FAT3: variants seen among roughly 807,000 people sequenced by gnomAD.
The protein encoded by FAT3 is FAT atypical cadherin 3.
Under a neutral mutation model 310.2 loss-of-function variants are expected in FAT3, and 95 were observed. The ratio of observed to expected loss-of-function variants is 0.31; its 90% confidence interval spans 0.26 to 0.36. The LOEUF (loss-of-function observed/expected upper bound fraction) is 0.36, where lower values mean the gene tolerates loss of function less well. Among genes scored for constraint, FAT3 ranks in the 10% least tolerant of loss-of-function variants. FAT3 has a pLI of 1.00. For synonymous variants in FAT3, 2,314 were observed against 2,192.9 expected, an observed-to-expected ratio of 1.06 and a Z score of -1.54; for missense variants, 5,408 against 5,715.6, an observed-to-expected ratio of 0.95 and a Z score of 1.74.
Position 92,800,796 on chromosome 11 carries a change from G to A in FAT3, c.7783G>A (p.Asp2595Asn), listed in dbSNP as rs1377448576. 7 of 1,613,872 alleles carry A rather than the reference G, an allele frequency of 4.3e-6. No homozygotes were observed. In the South Asian group the frequency reaches 7.7e-5, roughly 18 times the overall value. The stretch of plus-strand genomic sequence containing the variant: ...GAGAGTGATTGTTGTGGATGAAAAT[G>A]ACAATGCTCCCCAGTTCATGACAGT... ...TVRVIVVDEN[D>N]NAPQFMTVEY... The change falls in exon 10 of 28, where the codon GAC (aspartate) becomes AAC (asparagine). Residue 2595 changes from aspartate to asparagine, a missense_variant. Transcript: ENST00000525166.
intron 4 of FAT3, among the ~76,000 whole-genome samples, chr11:92,732,460 G>GAT (rs1401189464): frequency 6.6e-6 from 1 of 152,034 alleles, no homozygotes; most frequent in Non-Finnish European, 1.5e-5. Context: ...AAATGAATAA[G>GAT]ATATTGCTTA....
chr11:92,353,517 A>T lies in FAT3; in HGVS notation c.1405A>T (p.Thr469Ser). 6.2e-7 allele frequency: 1 copy of T among 1,613,616 alleles called. No individual in the cohort carries two copies. The highest frequency in any genetic ancestry group is 8.5e-7 in the Non-Finnish European group (1 of 1,179,778). The change falls in exon 2 of 28, where the codon ACC (threonine) becomes TCC (serine). Residue 469 changes from threonine to serine, a missense_variant. This residue lies in a region of FAT3 where 4,588 missense variants were observed against 4,809.8 expected (regional missense o/e 0.95). Coordinates refer to ENST00000525166, the MANE Select transcript of FAT3 (RefSeq NM_001367949.2). ...CAGCATAGAAGATGCAAATGACCAC[A>T]CCCCAGAATTTCAGCAACCACTGTA... is the stretch of plus-strand genomic sequence containing the variant. ...TISIEDANDH[T>S]PEFQQPLYDA...
At chr11:92,852,599 CAGAA>C (rs1374202756) in intron 19 of FAT3, among the ~76,000 whole-genome samples, 4 of 152,008 alleles carry the variant, frequency 2.6e-5, no homozygotes, top group Non-Finnish European at 5.9e-5. Flanking sequence ...CTATTAAAAA[CAGAA>C]AGAAAGAAAA....
At chr11:92,314,399 A>T in intron 1 of FAT3, 1 of 518,060 alleles carries the variant, frequency 1.9e-6, no homozygotes, top group Non-Finnish European at 2.5e-6. Context: ...AACAAGGAAA[A>T]TGCTGGACTG....
chr11:92,580,513 G>T lies in FAT3; in HGVS notation c.3607+55565G>T, dbSNP rs1174271325. ...GTCAGCTTGCTAGTGCCCTCTTGTT[G>T]TCACTTATCAGAATCTGGCTGATGT... is the stretch of plus-strand genomic sequence containing the variant. On this transcript the variant is annotated intron_variant, in intron 3 of 27. Transcript: ENST00000525166. Among the ~76,000 whole-genome samples, 4 of 152,112 alleles carry T rather than the reference G, an allele frequency of 2.6e-5. No homozygotes were observed. The East Asian group carries it at 7.7e-4, about 29-fold the overall frequency.
chr11:92,320,103 A>G (rs576221497), intron 1 of FAT3, among the ~76,000 whole-genome samples: 2 of 152,288 alleles, frequency 1.3e-5, no homozygotes, highest in Non-Finnish European at 2.9e-5. Flanking sequence ...ACTGAAACAA[A>G]ACTCTGGCAG....
At position 92,865,131 on chromosome 11, in the gene FAT3, C is replaced by T. The variant is rs955749406; in HGVS notation, c.11659-1610C>T. Among the ~76,000 whole-genome samples, 2 of 152,098 alleles carry T rather than the reference C, an allele frequency of 1.3e-5. 1 individual carries two copies. Among genetic ancestry groups the T allele is most frequent in the South Asian group, 4.1e-4 (2 of 4,824 alleles). On this transcript the variant is annotated intron_variant, in intron 21 of 27. Transcript: ENST00000525166. The stretch of plus-strand genomic sequence containing the variant: ...CACACCTCTGTGTGCTTCTTAAAGC[C>T]CCCTGACTTCTAGATACACATGTTT...
At chr11:92,289,004 T>G (rs1273115312) in intron 1 of FAT3, among the ~76,000 whole-genome samples, 2 of 152,036 alleles carry the variant, frequency 1.3e-5, no homozygotes, top group Non-Finnish European at 1.5e-5. Flanking sequence ...AACAATAATC[T>G]CCCCTGAGCT....
chr11:92,839,819 G>T (rs1275496831), intron 17 of FAT3, among the ~76,000 whole-genome samples: 1 of 152,218 alleles, frequency 6.6e-6, no homozygotes, highest in Admixed American at 6.5e-5. Flanking sequence ...ACGTGAGGAT[G>T]ACCTTTGACC....
intron 3 of FAT3, among the ~76,000 whole-genome samples, chr11:92,531,754 T>C (rs1954081300): frequency 6.6e-6 from 1 of 152,016 alleles, no homozygotes; most frequent in Non-Finnish European, 1.5e-5. Context: ...TGCCTTCATA[T>C]AGCTTCATTT....
chr11:92,347,395 C>T (rs1948447624), intron 1 of FAT3, among the ~76,000 whole-genome samples: 1 of 151,936 alleles, frequency 6.6e-6, no homozygotes. Context: ...AACAAAATCC[C>T]CTCAAAATAG....
intron 3 of FAT3, among the ~76,000 whole-genome samples, chr11:92,557,537 G>C (rs1273391452): frequency 6.6e-6 from 1 of 152,158 alleles, no homozygotes; most frequent in Non-Finnish European, 1.5e-5. Flanking sequence ...TTTCTCTCCA[G>C]TTGAACCCCA....
At chr11:92,744,350 A>G (rs1205394589) in intron 4 of FAT3, among the ~76,000 whole-genome samples, 1 of 152,186 alleles carries the variant, frequency 6.6e-6, no homozygotes, top group African/African-American at 2.4e-5. Context: ...AAGTGTACAT[A>G]CTGTCATTGC....
intron 2 of FAT3, among the ~76,000 whole-genome samples, chr11:92,435,463 T>A (rs959794597): frequency 9.0e-6 from 1 of 111,088 alleles, no homozygotes; most frequent in Non-Finnish European, 1.9e-5. Flanking sequence ...CATTTTCTTT[T>A]ATTTATCCTT....
chr11:92,229,947 T>C (rs1864100478), intron 1 of FAT3, among the ~76,000 whole-genome samples: 1 of 152,144 alleles, frequency 6.6e-6, no homozygotes, highest in Non-Finnish European at 1.5e-5. Context: ...CAGATAGATA[T>C]ATATGAATGT....
intron 3 of FAT3, among the ~76,000 whole-genome samples, chr11:92,607,670 G>A (rs544205156): frequency 6.6e-6 from 1 of 152,228 alleles, no homozygotes; most frequent in East Asian, 1.9e-4. Context: ...GAGCATCCTT[G>A]TGAATACCAT....
At chr11:92,772,404 C>T (rs1026904913) in intron 6 of FAT3, among the ~76,000 whole-genome samples, 3 of 152,012 alleles carry the variant, frequency 2.0e-5, no homozygotes, top group Non-Finnish European at 4.4e-5. Context: ...TTTCAAGACA[C>T]TCAAATCAGC....
intron 3 of FAT3, among the ~76,000 whole-genome samples, chr11:92,535,177 A>C (rs1211923574): frequency 6.6e-6 from 1 of 152,084 alleles, no homozygotes; most frequent in Non-Finnish European, 1.5e-5. Context: ...GCTGTACTTG[A>C]GGTTATTGTG....
At chr11:92,806,329 A>G (rs1947506023) in intron 11 of FAT3, 33 bp from the exon 12 acceptor site, 1 of 1,566,780 alleles carries the variant, frequency 6.4e-7, no homozygotes, top group South Asian at 1.2e-5. Context: ...ACAAATACTA[A>G]TGATTTTATT....
Sources: gnomAD v4.1 joint callset for allele counts (sites outside exome capture counted in the v4.1 genomes callset) on GRCh38, gnomAD v4.1.1 for gene constraint, gnomAD v4.1.1 regional missense constraint, MANE v1.5 for transcripts, NCBI Gene and HGNC (gene_info 2026-07-23, HGNC 2026-07-21) for gene names.